Variants in SH3GL2 observed in about 807,000 individuals in gnomAD.
SH3GL2 encodes the protein SH3 domain containing GRB2 like 2, endophilin A1, also known as endophilin-A1.
A neutral mutation model predicts 46.0 loss-of-function variants in SH3GL2; 24 were observed. The ratio of observed to expected loss-of-function variants is 0.52; its 90% CI spans 0.38 to 0.73. The LOEUF is 0.73. Ranked by LOEUF, SH3GL2 falls within the 30% of genes least tolerant of loss-of-function variation. The pLI is 0.00. For missense variants in SH3GL2, 413 were observed against 424.2 expected, an observed-to-expected ratio of 0.97 and a Z score of 0.23; for synonymous variants, 196 against 147.1, an observed-to-expected ratio of 1.33 and a Z score of -2.40.
chr9:17,666,574 G>T (rs1230059327), intron 1 of SH3GL2, among the ~76,000 whole-genome samples: 2 of 139,576 alleles, frequency 1.4e-5, no homozygotes, highest in African/African-American at 5.4e-5. Context: ...GTGTGTGTGT[G>T]TGTGTATATA....
intron 3 of SH3GL2, among the ~76,000 whole-genome samples, chr9:17,773,388 TC>T (rs1386311806): frequency 2.6e-5 from 4 of 152,304 alleles, no homozygotes; most frequent in Admixed American, 2.6e-4. Flanking sequence ...CATTGCCACA[TC>T]CAGTGTCATG....
chr9:17,584,613 A>G (rs558511685), intron 1 of SH3GL2, among the ~76,000 whole-genome samples: 1 of 152,350 alleles, frequency 6.6e-6, no homozygotes, highest in Admixed American at 6.5e-5. Flanking sequence ...ATCAAAATGC[A>G]GCCTTCTCTG....
intron 3 of SH3GL2, among the ~76,000 whole-genome samples, chr9:17,777,077 C>T (rs1823661633): frequency 6.6e-6 from 1 of 152,138 alleles, no homozygotes; most frequent in Non-Finnish European, 1.5e-5. Flanking sequence ...GGACCTTCCT[C>T]TTCTTTATTT....
At chr9:17,605,646 T>A (rs1818748339) in intron 1 of SH3GL2, among the ~76,000 whole-genome samples, 1 of 152,164 alleles carries the variant, frequency 6.6e-6, no homozygotes, top group Admixed American at 6.5e-5. Context: ...ACATTGCAAC[T>A]GTATTGTGTA....
In SH3GL2 at chr9:17,646,454, G is replaced by A. The variant is rs548735438; in HGVS notation, c.45+67167G>A. On this transcript the variant is annotated intron_variant, in intron 1 of 8. Coordinates refer to ENST00000380607, the MANE Select transcript of SH3GL2 (RefSeq NM_003026.5). ...TGTGATCCTTTGGAGGAGAAGAGGC[G>A]TTCTGGTTTTTGGACTTTTCAGCCT... 1.2e-4 allele frequency among the ~76,000 whole-genome samples: 18 copies of A among 152,136 alleles called. 1 individual carries two copies. The South Asian group carries it at 2.1e-3, about 18-fold the overall frequency.
intron 1 of SH3GL2, among the ~76,000 whole-genome samples, chr9:17,601,226 C>A (rs534484564): frequency 6.6e-6 from 1 of 151,972 alleles, no homozygotes; most frequent in Non-Finnish European, 1.5e-5. Flanking sequence ...TAAGAGATAC[C>A]GTTGTTTTTC....
intron 1 of SH3GL2, among the ~76,000 whole-genome samples, chr9:17,652,958 T>G (rs1209901818): frequency 6.6e-6 from 1 of 152,162 alleles, no homozygotes; most frequent in Non-Finnish European, 1.5e-5. Context: ...CTTGGTCCTT[T>G]ATAATGTTTT....
rs1347014189 is a variant in SH3GL2 at position 17,615,055 on chromosome 9, A to C, written c.45+35768A>C. On this transcript the variant is annotated intron_variant, in intron 1 of 8. Coordinates refer to ENST00000380607, the MANE Select transcript of SH3GL2 (RefSeq NM_003026.5). ...TGCTCTCAGAGTCCTCTGTCATTGG[A>C]CCCCTCCCAACTGCTGTGGACACTT... 2.0e-5 allele frequency among the ~76,000 whole-genome samples: 3 copies of C among 151,990 alleles called. No individual in the cohort carries two copies. The East Asian group carries it at 5.8e-4, about 29-fold the overall frequency.
At chr9:17,634,782 G>C (rs1467599917) in intron 1 of SH3GL2, among the ~76,000 whole-genome samples, 1 of 152,174 alleles carries the variant, frequency 6.6e-6, no homozygotes, top group Non-Finnish European at 1.5e-5. Flanking sequence ...CTTTTGAGCA[G>C]ACACTCTTCT....
chr9:17,742,952 A>G (rs891707787), intron 1 of SH3GL2, among the ~76,000 whole-genome samples: 11 of 152,194 alleles, frequency 7.2e-5, no homozygotes, highest in Non-Finnish European at 1.5e-4. Flanking sequence ...TCAAATGGCA[A>G]ATATGTTAGT....
At chr9:17,714,039 A>C (rs898178124) in intron 1 of SH3GL2, among the ~76,000 whole-genome samples, 5 of 151,560 alleles carry the variant, frequency 3.3e-5, no homozygotes, top group African/African-American at 9.7e-5. Flanking sequence ...TTTTTGCTTC[A>C]TGTATTGGAA....
chr9:17,602,609 A>T (rs77994824), intron 1 of SH3GL2, among the ~76,000 whole-genome samples: 1 of 152,270 alleles, frequency 6.6e-6, no homozygotes, highest in South Asian at 2.1e-4. Context: ...CTGGCAGTAT[A>T]AAAAAACTTT....
chr9:17,788,840 C>T (rs746457556), intron 5 of SH3GL2, among the ~76,000 whole-genome samples: 23 of 152,298 alleles, frequency 1.5e-4, no homozygotes, highest in Middle Eastern at 6.8e-3. Context: ...GATGTAGATT[C>T]CTAGGCCCCC....
intron 3 of SH3GL2, among the ~76,000 whole-genome samples, chr9:17,779,392 G>C (rs996734014): frequency 2.0e-5 from 3 of 152,132 alleles, no homozygotes; most frequent in Non-Finnish European, 4.4e-5. Context: ...GAATGGGTTT[G>C]GGAGTGGCTC....
At chr9:17,668,389 A>C (rs899176803) in intron 1 of SH3GL2, among the ~76,000 whole-genome samples, 3 of 152,188 alleles carry the variant, frequency 2.0e-5, no homozygotes, top group Non-Finnish European at 4.4e-5. Context: ...TTCCTCATTC[A>C]ATATTCTTGG....
chr9:17,625,609 C>G (rs1819263655), intron 1 of SH3GL2, among the ~76,000 whole-genome samples: 1 of 152,178 alleles, frequency 6.6e-6, no homozygotes, highest in African/African-American at 2.4e-5. Flanking sequence ...AGTCTCTTTT[C>G]CTTAGTAGCA....
At position 17,729,998 on chromosome 9, in the gene SH3GL2, A is replaced by T. The variant is rs577572037; in HGVS notation, c.46-17068A>T. Among the ~76,000 whole-genome samples, 21 of 152,266 alleles carry T rather than the reference A, an allele frequency of 1.4e-4. No individual in the cohort carries two copies. In the East Asian group the frequency reaches 4.1e-3, roughly 29 times the overall value. On this transcript the variant is annotated intron_variant, in intron 1 of 8. Transcript: ENST00000380607. ...AGTAGTTTTTTCTAATTCTGTGAAG[A>T]AAGTCAATGGCAGCTTGATGGGAAT...
chr9:17,592,138 G>T (rs975335800), intron 1 of SH3GL2, among the ~76,000 whole-genome samples: 1 of 152,164 alleles, frequency 6.6e-6, no homozygotes. Flanking sequence ...GGGAGCTGCT[G>T]GTGTAAGCCC....
chr9:17,615,903 C>T (rs1035471815), intron 1 of SH3GL2, among the ~76,000 whole-genome samples: 1 of 151,992 alleles, frequency 6.6e-6, no homozygotes, highest in Non-Finnish European at 1.5e-5. Context: ...TGTTTTTGCT[C>T]CATTTTACTT....
Sources: allele counts gnomAD v4.1 joint callset (sites outside exome capture counted in the v4.1 genomes callset), GRCh38; gene constraint gnomAD v4.1.1; transcripts MANE v1.5; gene names NCBI Gene and HGNC (gene_info 2026-07-23, HGNC 2026-07-21).